LCP2: variants seen among roughly 807,000 people sequenced by gnomAD.
LCP2 encodes the protein lymphocyte cytosolic protein 2.
A neutral mutation model predicts 74.5 loss-of-function variants in LCP2; 29 were observed. The observed-to-expected ratio is 0.39, with a 90% CI of 0.29 to 0.53. The LOEUF (loss-of-function observed/expected upper bound fraction) is 0.53. Ranked by LOEUF, LCP2 falls within the 20% of genes least tolerant of loss-of-function variation. The probability of loss-of-function intolerance (pLI) is 0.72; values close to 1 mark genes in which losing one functional copy is unlikely to be tolerated. For missense variants in LCP2, 604 were observed against 634.6 expected (o/e 0.95, Z 0.52); for synonymous variants, 228 against 229.5 (o/e 0.99, Z 0.06).
chr5:170,268,523 G>C (rs1163589596), intron 7 of LCP2, 41 bp from the exon 8 acceptor site: 1 of 223,134 alleles, frequency 4.5e-6, no homozygotes, highest in Admixed American at 6.2e-5. Flanking sequence ...GGGGAGTATC[G>C]GCCAAGCTCA....
chr5:170,288,282 G>A (rs1762220429), intron 2 of LCP2, among the ~76,000 whole-genome samples: 1 of 151,942 alleles, frequency 6.6e-6, no homozygotes, highest in African/African-American at 2.4e-5. Flanking sequence ...AGTTCCAAAT[G>A]TTGGCAAATA....
rs187441851 is a variant in LCP2, at chr5:170,281,362, T to C, written c.189-5502A>G. Among the ~76,000 whole-genome samples the C allele has an allele frequency of 8.6e-3, 1,301 of 152,030 alleles. 23 individuals are homozygous for C. The highest frequency in any genetic ancestry group is 0.027 in the African/African-American group (1,136 of 41,462). Reference sequence around the variant, plus strand: ...TGCCACGATCTTGGCTCACTGCAAGTTCTGCCTCCCGGGTTCACGCCATTC... The same window carrying C: ...TGCCACGATCTTGGCTCACTGCAAGCTCTGCCTCCCGGGTTCACGCCATTC... On this transcript the variant is annotated intron_variant, in intron 3 of 20. Transcript: ENST00000046794.
At chr5:170,284,408 G>A (rs972071426) in intron 3 of LCP2, among the ~76,000 whole-genome samples, 3 of 150,602 alleles carry the variant, frequency 2.0e-5, no homozygotes, top group African/African-American at 7.3e-5. Flanking sequence ...TTTTACTTTC[G>A]AGAAAGCTGT....
intron 6 of LCP2, among the ~76,000 whole-genome samples, chr5:170,272,597 C>CTTTCTTTT (rs1761913938): frequency 2.5e-5 from 1 of 40,342 alleles, no homozygotes; most frequent in East Asian, 1.3e-3. Flanking sequence ...CAAATATTTT[C>CTTTCTTTT]TTTTTTTTTT....
At chr5:170,261,178 G>A (rs1405272303) in intron 13 of LCP2, 41 bp from the exon 14 acceptor site, 2 of 1,451,466 alleles carry the variant, frequency 1.4e-6, no homozygotes, top group Non-Finnish European at 1.9e-6. Context: ...TGAGCATGAA[G>A]AGTTTCAAAG....
intron 3 of LCP2, among the ~76,000 whole-genome samples, chr5:170,281,508 C>T (rs903821216): frequency 6.6e-6 from 1 of 152,208 alleles, no homozygotes; most frequent in Non-Finnish European, 1.5e-5. Context: ...TCTCGATCTC[C>T]TGACCTTGTG....
intron 2 of LCP2, among the ~76,000 whole-genome samples, chr5:170,291,929 A>G (rs1762301775): frequency 6.6e-6 from 1 of 152,238 alleles, no homozygotes; most frequent in Non-Finnish European, 1.5e-5. Context: ...TCTCAATACA[A>G]ATAAATAATA....
chr5:170,275,382 T>G (rs760903624), intron 4 of LCP2, 31 bp from the exon 5 acceptor site: 4 of 1,613,400 alleles, frequency 2.5e-6, no homozygotes, highest in Admixed American at 3.3e-5. Context: ...GCATTAATGG[T>G]CTTCTCGATT....
chr5:170,293,593 C>T (rs746484430), intron 1 of LCP2, among the ~76,000 whole-genome samples: 14 of 152,214 alleles, frequency 9.2e-5, no homozygotes, highest in African/African-American at 3.4e-4. Context: ...TGCTCTAAGG[C>T]TTCGGGGCCA....
At chr5:170,271,384 C>T (rs978866699) in intron 6 of LCP2, among the ~76,000 whole-genome samples, 2 of 151,950 alleles carry the variant, frequency 1.3e-5, no homozygotes, top group African/African-American at 4.8e-5. Flanking sequence ...GTTGAAGGCC[C>T]GGCTAAGGGG....
Position 170,252,421 on chromosome 5 carries a change from T to G in LCP2, c.1323+13A>C. ...TATTTACAACTATGTTAAAATAAACTATAGCACAATACCTGGTTTATCTTT... is the reference window on the plus strand; with the variant it reads ...TATTTACAACTATGTTAAAATAAACGATAGCACAATACCTGGTTTATCTTT... On this transcript the variant is annotated intron_variant, in intron 19 of 20. Coordinates refer to ENST00000046794, the MANE Select transcript of LCP2 (RefSeq NM_005565.5). 1 of 1,475,256 alleles carries G rather than the reference T, an allele frequency of 6.8e-7. No individual in the cohort carries two copies. The highest frequency in any genetic ancestry group is 9.4e-7 in the Non-Finnish European group (1 of 1,062,622). The allele number at this position is 1,475,256 out of a possible 1,614,324, so 91.4% of individuals were successfully genotyped here. A position where few individuals can be genotyped will look rare whatever the true frequency, so the allele number is the denominator to read the frequency against.
In LCP2 at chr5:170,268,497, G is replaced by T; in HGVS notation, c.524-15C>A. 4.0e-6 allele frequency: 1 copy of T among 252,098 alleles called. No homozygotes were observed. Among genetic ancestry groups the T allele is most frequent in the Non-Finnish European group, 8.4e-6 (1 of 118,762 alleles). 15.6% of individuals were successfully genotyped at this position (252,098 alleles called of 1,614,324 possible). On this transcript the variant is annotated splice_polypyrimidine_tract_variant and intron_variant, in intron 7 of 20. Transcript: ENST00000046794. ...GGGGGGCCGGTCTGTGGAAACACAA[G>T]GTTATTAAAGTGAAAGGGGAGTATC...
chr5:170,259,745 A>G (rs1419152664), intron 14 of LCP2, among the ~76,000 whole-genome samples: 1 of 152,234 alleles, frequency 6.6e-6, no homozygotes. Context: ...GAAAAAGGCC[A>G]CAGTCAAAAT....
intron 13 of LCP2, 68 bp from the exon 14 acceptor site, chr5:170,261,205 C>T: frequency 2.5e-6 from 3 of 1,213,802 alleles, no homozygotes; most frequent in East Asian, 2.4e-5. Context: ...CCTTAGAATA[C>T]AGTTTTGCTT....
chr5:170,285,908 G>A (rs1762175741), intron 3 of LCP2, among the ~76,000 whole-genome samples: 1 of 152,148 alleles, frequency 6.6e-6, no homozygotes. Context: ...CTCAACTCAA[G>A]TCGTCCACCA....
chr5:170,275,509 A>C, intron 4 of LCP2, 158 bp from the exon 5 acceptor site: 1 of 792,824 alleles, frequency 1.3e-6, no homozygotes, highest in South Asian at 1.7e-5. Flanking sequence ...TGGGGCTAGG[A>C]TACCCTGAAA....
chr5:170,253,822 T>C lies in LCP2; in HGVS notation c.1151-609A>G, dbSNP rs144204754. On this transcript the variant is annotated intron_variant, in intron 17 of 20. Transcript: ENST00000046794. ...GCACTACAGATCAGGAAGTTTTTAC[T>C]GGGCAACTATTAATTACCCAGTGCT... Among the ~76,000 whole-genome samples the C allele has an allele frequency of 2.8e-4, 42 of 152,348 alleles. No individual in the cohort carries two copies. The East Asian group carries it at 8.1e-3, about 29-fold the overall frequency.
chr5:170,258,128 T>C lies in LCP2; in HGVS notation c.1009A>G (p.Met337Val), dbSNP rs1233484586. 6.2e-7 allele frequency: 1 copy of C among 1,613,900 alleles called. No individual in the cohort carries two copies. Among genetic ancestry groups the C allele is most frequent in the Non-Finnish European group, 8.5e-7 (1 of 1,179,790 alleles). ...RPLPQPALLP[M>V]SSNTFPSRST... The stretch of plus-strand genomic sequence containing the variant: ...CTTGAAGGGAAAGTGTTGGAGCTCA[T>C]AGGAAGTAGTGCTGGCTGGGGCAAA... The change falls in exon 16 of 21, where the codon ATG becomes GTG. Residue 337 changes from methionine to valine, a missense_variant. Coordinates refer to ENST00000046794, the MANE Select transcript of LCP2 (RefSeq NM_005565.5).
chr5:170,295,293 C>T (rs1032363062), intron 1 of LCP2, among the ~76,000 whole-genome samples: 1 of 152,240 alleles, frequency 6.6e-6, no homozygotes, highest in African/African-American at 2.4e-5. Context: ...GACGCAAAGT[C>T]CCACCAGTCT....
Sources: gnomAD v4.1 joint callset for allele counts (sites outside exome capture counted in the v4.1 genomes callset) on GRCh38, gnomAD v4.1.1 for gene constraint, MANE v1.5 for transcripts, NCBI Gene and HGNC (gene_info 2026-07-23, HGNC 2026-07-21) for gene names.